GALNT13: variants seen among roughly 807,000 people sequenced by gnomAD.
GALNT13 encodes the protein polypeptide N-acetylgalactosaminyltransferase 13.
A neutral mutation model predicts 64.2 loss-of-function variants in GALNT13; 28 were observed. The ratio of observed to expected loss-of-function variants is 0.44; its 90% CI spans 0.32 to 0.60. GALNT13 has a LOEUF of 0.60. GALNT13 is among the 20% of genes least tolerant of loss of function. The pLI, the probability that GALNT13 is intolerant of heterozygous loss-of-function variation, is 0.05. For missense variants in GALNT13, 577 were observed against 669.8 expected, an observed-to-expected ratio of 0.86 and a Z score of 1.53; for synonymous variants, 214 against 224.6, an observed-to-expected ratio of 0.95 and a Z score of 0.42.
the GALNT13 span, among the ~76,000 whole-genome samples, chr2:153,844,988 G>A: frequency 6.6e-6 from 1 of 152,142 alleles, no homozygotes; most frequent in East Asian, 1.9e-4. Context: ...TACTGACAAT[G>A]TTATTGTCAG....
chr2:154,080,696 C>A (rs1161066015), intron 3 of GALNT13, among the ~76,000 whole-genome samples: 1 of 151,590 alleles, frequency 6.6e-6, no homozygotes, highest in Non-Finnish European at 1.5e-5. Context: ...TGTGGAGGCA[C>A]CTGCATATCC....
chr2:153,927,856 G>A (rs1229531578), intron 2 of GALNT13, among the ~76,000 whole-genome samples: 1 of 152,016 alleles, frequency 6.6e-6, no homozygotes, highest in African/African-American at 2.4e-5. Flanking sequence ...TGTGGAAGAA[G>A]ACTATTTCAC....
At chr2:153,326,450 C>G in the GALNT13 span, among the ~76,000 whole-genome samples, 1 of 151,976 alleles carries the variant, frequency 6.6e-6, no homozygotes, top group South Asian at 2.1e-4. Context: ...ATTTGCCAGT[C>G]TATGTCTTTT....
the GALNT13 span, among the ~76,000 whole-genome samples, chr2:153,403,371 C>T: frequency 1.1e-4 from 16 of 152,218 alleles, no homozygotes; most frequent in African/African-American, 1.4e-4. Flanking sequence ...GAAGTTACTG[C>T]TGTCTTTTTG....
chr2:153,963,563 C>G (rs1693087997), intron 3 of GALNT13, among the ~76,000 whole-genome samples: 1 of 152,136 alleles, frequency 6.6e-6, no homozygotes, highest in South Asian at 2.1e-4. Context: ...TATCTAGTTA[C>G]TTCACATCCT....
chr2:153,982,370 G>A (rs1694520495), intron 3 of GALNT13, among the ~76,000 whole-genome samples: 1 of 151,972 alleles, frequency 6.6e-6, no homozygotes. Flanking sequence ...AAATATAGAG[G>A]CTATAAATGT....
At chr2:153,277,563 A>G in the GALNT13 span, among the ~76,000 whole-genome samples, 5 of 152,172 alleles carry the variant, frequency 3.3e-5, no homozygotes, top group Admixed American at 3.3e-4. Context: ...TTGTAATTCC[A>G]TACCCAGTAA....
chr2:153,783,909 A>G, the GALNT13 span, among the ~76,000 whole-genome samples: 1 of 152,092 alleles, frequency 6.6e-6, no homozygotes, highest in South Asian at 2.1e-4. Flanking sequence ...TTTATAAATT[A>G]CCCAGTCTCG....
At chr2:153,116,958 C>G in the GALNT13 span, among the ~76,000 whole-genome samples, 4 of 151,758 alleles carry the variant, frequency 2.6e-5, no homozygotes, top group African/African-American at 4.8e-5. Flanking sequence ...CGCCACCACG[C>G]CCGGCTAATA....
intron 8 of GALNT13, among the ~76,000 whole-genome samples, chr2:154,290,993 G>C (rs1692587502): frequency 6.6e-6 from 1 of 152,070 alleles, no homozygotes; most frequent in Non-Finnish European, 1.5e-5. Flanking sequence ...CCTTCTCGGT[G>C]AGCGTTACAG....
chr2:153,174,466 T>C, the GALNT13 span, among the ~76,000 whole-genome samples: 1 of 139,630 alleles, frequency 7.2e-6, no homozygotes, highest in African/African-American at 2.7e-5. Context: ...GCACATTTTC[T>C]ATTTTTTTTT....
chr2:153,590,062 T>C, the GALNT13 span, among the ~76,000 whole-genome samples: 14 of 152,014 alleles, frequency 9.2e-5, no homozygotes, highest in African/African-American at 1.4e-4. Flanking sequence ...AAAATAAAGG[T>C]AGTTTTTTAA....
intron 3 of GALNT13, among the ~76,000 whole-genome samples, chr2:153,950,180 G>A (rs957985389): frequency 8.6e-5 from 13 of 151,556 alleles, no homozygotes; most frequent in African/African-American, 1.5e-4. Context: ...TAAAGCAAAC[G>A]CAACTGACCA....
chr2:153,479,178 A>G, the GALNT13 span, among the ~76,000 whole-genome samples: 1 of 152,090 alleles, frequency 6.6e-6, no homozygotes, highest in Non-Finnish European at 1.5e-5. Context: ...GGCGAATGGA[A>G]AGTGGCGATG....
the GALNT13 span, among the ~76,000 whole-genome samples, chr2:153,223,374 A>G: frequency 6.6e-6 from 1 of 152,350 alleles, no homozygotes; most frequent in South Asian, 2.1e-4. Context: ...GCAGAATATT[A>G]ATTTTTCTCA....
chr2:153,985,186 T>C (rs1694716356), intron 3 of GALNT13, among the ~76,000 whole-genome samples: 1 of 152,022 alleles, frequency 6.6e-6, no homozygotes, highest in Non-Finnish European at 1.5e-5. Context: ...TAAATGCCCA[T>C]TCTTAGAAAA....
At chr2:154,202,187 G>A (rs893632998) in intron 4 of GALNT13, among the ~76,000 whole-genome samples, 3 of 152,092 alleles carry the variant, frequency 2.0e-5, no homozygotes, top group South Asian at 2.1e-4. Flanking sequence ...TTAATGGAGT[G>A]TCTACTGTGG....
the GALNT13 span, among the ~76,000 whole-genome samples, chr2:153,842,408 G>A: frequency 6.6e-6 from 1 of 151,978 alleles, no homozygotes; most frequent in East Asian, 1.9e-4. Flanking sequence ...AAGAGCAGAG[G>A]TCCTGGATAA....
intron 3 of GALNT13, among the ~76,000 whole-genome samples, chr2:153,963,595 A>G (rs1463539292): frequency 6.6e-6 from 1 of 152,062 alleles, no homozygotes; most frequent in Non-Finnish European, 1.5e-5. Context: ...CATAGCCAGA[A>G]TTTTAAATTT....
Sources: gnomAD v4.1 joint callset for allele counts (sites outside exome capture counted in the v4.1 genomes callset) on GRCh38, gnomAD v4.1.1 for gene constraint, MANE v1.5 for transcripts, NCBI Gene and HGNC (gene_info 2026-07-23, HGNC 2026-07-21) for gene names.